Variants in CDH13 observed in about 807,000 individuals in gnomAD.
The protein encoded by CDH13 is cadherin 13, also known as cadherin-13.
Under a neutral mutation model 63.8 loss-of-function variants are expected in CDH13, and 24 were observed. The ratio of observed to expected loss-of-function variants is 0.38; its 90% confidence interval spans 0.27 to 0.53. CDH13 has a LOEUF of 0.53. CDH13 is among the 20% of genes least tolerant of loss of function. The probability of loss-of-function intolerance (pLI) is 0.85; values close to 1 mark genes in which losing one functional copy is unlikely to be tolerated. For synonymous variants in CDH13, 503 were observed against 355.3 expected (o/e 1.42, Z -4.67); for missense variants, 1,049 against 903.1 (o/e 1.16, Z -2.07).
chr16:82,651,095 A>G (rs925691423), intron 1 of CDH13, among the ~76,000 whole-genome samples: 4 of 152,160 alleles, frequency 2.6e-5, no homozygotes, highest in African/African-American at 7.2e-5. Flanking sequence ...ATCAGTTTGA[A>G]GTTGTCCCTC....
chr16:83,303,143 A>G (rs552132658), intron 5 of CDH13, among the ~76,000 whole-genome samples: 195 of 152,322 alleles, frequency 1.3e-3, no homozygotes, highest in Middle Eastern at 3.4e-3. Flanking sequence ...AGAATTTCCT[A>G]TGTTCTTTTC....
intron 1 of CDH13, among the ~76,000 whole-genome samples, chr16:82,809,077 T>C (rs528587226): frequency 6.6e-6 from 1 of 152,196 alleles, no homozygotes; most frequent in East Asian, 1.9e-4. Context: ...TGTATATCAG[T>C]GTATGTATCT....
intron 6 of CDH13, among the ~76,000 whole-genome samples, chr16:83,425,970 A>C (rs2071882441): frequency 6.6e-6 from 1 of 152,214 alleles, no homozygotes; most frequent in South Asian, 2.1e-4. Flanking sequence ...TAAAATTAAA[A>C]TGAGATATAT....
chr16:82,672,999 CTTTTT>C (rs562942948), intron 1 of CDH13, among the ~76,000 whole-genome samples: 8 of 81,268 alleles, frequency 9.8e-5, no homozygotes, highest in Admixed American at 1.7e-4. Flanking sequence ...ATAAAGTTTT[CTTTTT>C]TTTTTTTTTT....
chr16:82,869,911 A>G (rs907071708), intron 2 of CDH13, among the ~76,000 whole-genome samples: 1 of 152,208 alleles, frequency 6.6e-6, no homozygotes, highest in Non-Finnish European at 1.5e-5. Context: ...ACTCCAGGAC[A>G]TTGGTCTTGG....
intron 2 of CDH13, among the ~76,000 whole-genome samples, chr16:82,990,787 C>G (rs1193917457): frequency 6.6e-6 from 1 of 152,038 alleles, no homozygotes; most frequent in Non-Finnish European, 1.5e-5. Context: ...CTGAAGTGAT[C>G]CATCTTGGCC....
chr16:82,991,556 G>A (rs1911658256), intron 2 of CDH13, among the ~76,000 whole-genome samples: 1 of 151,978 alleles, frequency 6.6e-6, no homozygotes, highest in African/African-American at 2.4e-5. Flanking sequence ...CCAGACTACT[G>A]CAATCCCTCA....
intron 2 of CDH13, among the ~76,000 whole-genome samples, chr16:82,961,993 G>C (rs11150528): frequency 0.23 from 34,917 of 152,080 alleles, 4,552 homozygotes; most frequent in African/African-American, 0.36. Flanking sequence ...GGAAACACCA[G>C]TTACCTGGAT....
At chr16:83,301,176 C>T (rs1329037525) in intron 5 of CDH13, among the ~76,000 whole-genome samples, 6 of 151,564 alleles carry the variant, frequency 4.0e-5, no homozygotes, top group African/African-American at 7.3e-5. Flanking sequence ...GGACTACAGG[C>T]GCCCACCACC....
intron 1 of CDH13, among the ~76,000 whole-genome samples, chr16:82,729,272 C>T (rs910325805): frequency 1.3e-5 from 2 of 152,116 alleles, no homozygotes; most frequent in Non-Finnish European, 2.9e-5. Context: ...TTCACTTTGC[C>T]CCGATCCATC....
chr16:82,680,764 G>A (rs899143061), intron 1 of CDH13, among the ~76,000 whole-genome samples: 3 of 152,162 alleles, frequency 2.0e-5, no homozygotes, highest in African/African-American at 7.2e-5. Flanking sequence ...TCAATAGCAG[G>A]AAGTTATTAC....
chr16:83,412,467 AT>A (rs770311441), intron 6 of CDH13, among the ~76,000 whole-genome samples: 2 of 152,212 alleles, frequency 1.3e-5, no homozygotes, highest in Non-Finnish European at 2.9e-5. Flanking sequence ...GTCTCAAAAA[AT>A]AAAAATAAAA....
chr16:83,614,332 A>C (rs1323097877), intron 8 of CDH13, among the ~76,000 whole-genome samples: 1 of 152,098 alleles, frequency 6.6e-6, no homozygotes, highest in East Asian at 1.9e-4. Context: ...TGGGGTCCTA[A>C]CTGAAAGTCT....
chr16:83,109,657 T>C (rs1460329952), intron 3 of CDH13, among the ~76,000 whole-genome samples: 2 of 152,150 alleles, frequency 1.3e-5, no homozygotes, highest in South Asian at 2.1e-4. Context: ...ATGCGCAAAT[T>C]AACACAGCTG....
At chr16:83,033,716 A>G (rs1241484146) in intron 3 of CDH13, among the ~76,000 whole-genome samples, 2 of 152,184 alleles carry the variant, frequency 1.3e-5, no homozygotes, top group Non-Finnish European at 2.9e-5. Flanking sequence ...CGATTGTGCC[A>G]TTCGGAGACT....
At chr16:83,186,557 T>C (rs556049806) in intron 4 of CDH13, among the ~76,000 whole-genome samples, 357 of 152,296 alleles carry the variant, frequency 2.3e-3, no homozygotes, top group African/African-American at 8.0e-3. Flanking sequence ...TTTGTTTTTC[T>C]TTCTTTTTGT....
At chr16:83,746,259 C>G (rs1373870973) in intron 10 of CDH13, among the ~76,000 whole-genome samples, 3 of 152,186 alleles carry the variant, frequency 2.0e-5, no homozygotes, top group African/African-American at 7.2e-5. Flanking sequence ...CTTCCTGCCA[C>G]TCCCCACTTC....
intron 10 of CDH13, among the ~76,000 whole-genome samples, chr16:83,709,076 G>A (rs1437608000): frequency 6.6e-6 from 1 of 152,050 alleles, no homozygotes; most frequent in East Asian, 1.9e-4. Context: ...AATGGAGGCA[G>A]GAGGGTCAGA....
intron 10 of CDH13, among the ~76,000 whole-genome samples, chr16:83,707,205 C>T (rs1236534222): frequency 6.6e-6 from 1 of 152,158 alleles, no homozygotes; most frequent in African/African-American, 2.4e-5. Context: ...TATTTCCCTT[C>T]CTGCCTCCAC....
Sources: gnomAD v4.1 joint callset for allele counts (sites outside exome capture counted in the v4.1 genomes callset) on GRCh38, gnomAD v4.1.1 for gene constraint, MANE v1.5 for transcripts, NCBI Gene and HGNC (gene_info 2026-07-23, HGNC 2026-07-21) for gene names.